FRY: variants seen among roughly 807,000 people sequenced by gnomAD.
The protein encoded by FRY is FRY microtubule binding protein, also known as protein furry homolog.
Under a neutral mutation model 348.4 loss-of-function variants are expected in FRY, and 128 were observed. That is an observed-to-expected ratio of 0.37 (90% CI 0.32 to 0.43). The LOEUF (loss-of-function observed/expected upper bound fraction) is 0.43, where lower values mean the gene tolerates loss of function less well. Ranked by LOEUF, FRY falls within the 20% of genes least tolerant of loss-of-function variation. The pLI is 1.00. For missense variants in FRY, 2,736 were observed against 3,695.2 expected (o/e 0.74, Z 6.73); for synonymous variants, 1,370 against 1,374.7 (o/e 1.00, Z 0.08).
At chr13:32,118,061 G>C (rs1878419430) in intron 4 of FRY, among the ~76,000 whole-genome samples, 1 of 152,080 alleles carries the variant, frequency 6.6e-6, no homozygotes, top group Admixed American at 6.6e-5. Context: ...CCTTCTTCCT[G>C]TGGGTTTGAA....
chr13:32,116,431 G>A (rs976664791), intron 3 of FRY, among the ~76,000 whole-genome samples: 4 of 152,022 alleles, frequency 2.6e-5, no homozygotes, highest in Non-Finnish European at 4.4e-5. Flanking sequence ...CCCTTATCAC[G>A]ATCTTAACTG....
intron 59 of FRY, among the ~76,000 whole-genome samples, chr13:32,291,100 C>A (rs1290141697): frequency 6.6e-6 from 1 of 151,782 alleles, no homozygotes; most frequent in African/African-American, 2.4e-5. Context: ...AAGCAGAAGT[C>A]GATTAAACCA....
chr13:32,069,717 A>G (rs555837402), intron 1 of FRY, among the ~76,000 whole-genome samples: 1 of 152,244 alleles, frequency 6.6e-6, no homozygotes, highest in East Asian at 1.9e-4. Context: ...TGATTCCACT[A>G]ATTTTTTTTA....
chr13:32,041,018 C>T (rs778210804), intron 1 of FRY, among the ~76,000 whole-genome samples: 9 of 152,112 alleles, frequency 5.9e-5, no homozygotes, highest in Non-Finnish European at 8.8e-5. Context: ...AATTTTAAAA[C>T]GAAAAAGTTG....
At chr13:32,200,875 G>A (rs1405367793) in intron 29 of FRY, among the ~76,000 whole-genome samples, 1 of 151,984 alleles carries the variant, frequency 6.6e-6, no homozygotes, top group African/African-American at 2.4e-5. Context: ...CCTTCCTTCT[G>A]TCTCTACTGT....
At position 32,131,684 on chromosome 13, in the gene FRY, A is replaced by T; in HGVS notation, c.729A>T (p.Val243=). The change falls in exon 8 of 61, where the codon GTA becomes GTT. Residue 243 remains valine, a synonymous_variant. Transcript: ENST00000542859. The part of the protein sequence containing the change: ...GVLAQAKFPA[V]KKKFMAELKE... ...GTTATCTTCTTAGATTCCCTGCTGT[A>T]AAGAAGAAATTTATGGCGGAGCTAA... 6.2e-7 allele frequency: 1 copy of T among 1,613,198 alleles called. No homozygotes were observed. Among genetic ancestry groups the T allele is most frequent in the Non-Finnish European group, 8.5e-7 (1 of 1,179,408 alleles).
At chr13:32,087,174 C>T (rs530415901) in intron 2 of FRY, among the ~76,000 whole-genome samples, 44 of 152,310 alleles carry the variant, frequency 2.9e-4, no homozygotes, top group Admixed American at 2.7e-3. Context: ...TTGCATCACA[C>T]ATCATGAATC....
At chr13:32,261,206 T>A (rs1887626485) in intron 51 of FRY, among the ~76,000 whole-genome samples, 2 of 152,196 alleles carry the variant, frequency 1.3e-5, no homozygotes, top group African/African-American at 2.4e-5. Flanking sequence ...CCTACTTTTT[T>A]CTCCTTCTGA....
chr13:32,151,294 G>C (rs955924959), intron 14 of FRY, among the ~76,000 whole-genome samples: 7 of 151,882 alleles, frequency 4.6e-5, no homozygotes, highest in African/African-American at 1.7e-4. Context: ...AGTTGGAACT[G>C]TGATTTAAAA....
chr13:32,161,968 G>T (rs1261629704), intron 17 of FRY, among the ~76,000 whole-genome samples: 1 of 152,108 alleles, frequency 6.6e-6, no homozygotes, highest in African/African-American at 2.4e-5. Context: ...AAAATCAAAA[G>T]TGACATAACC....
intron 29 of FRY, among the ~76,000 whole-genome samples, chr13:32,196,883 GC>G (rs1490348231): frequency 6.6e-6 from 1 of 152,076 alleles, no homozygotes; most frequent in Non-Finnish European, 1.5e-5. Context: ...TAACTATTTG[GC>G]TTCTGTGTGT....
intron 3 of FRY, among the ~76,000 whole-genome samples, chr13:32,116,399 T>G (rs1485748171): frequency 6.6e-6 from 1 of 152,186 alleles, no homozygotes; most frequent in African/African-American, 2.4e-5. Context: ...TCGCAAATAT[T>G]TTCTCCCACT....
At chr13:32,268,505 AATATAT>A (rs869298149) in intron 55 of FRY, among the ~76,000 whole-genome samples, 331 of 28,138 alleles carry the variant, frequency 0.012, 5 homozygotes, top group Admixed American at 0.019. Flanking sequence ...AAAAAAAAAA[AATATAT>A]ATATATATAT....
At chr13:32,195,325 T>C (rs1883609094) in intron 29 of FRY, among the ~76,000 whole-genome samples, 3 of 152,200 alleles carry the variant, frequency 2.0e-5, no homozygotes, top group Non-Finnish European at 4.4e-5. Flanking sequence ...TATTTCCTGT[T>C]ATAAGCATTA....
intron 17 of FRY, 124 bp from the exon 18 acceptor site, chr13:32,170,888 A>T: frequency 1.3e-6 from 1 of 779,620 alleles, no homozygotes; most frequent in Non-Finnish European, 2.2e-6. Context: ...TAAGCAAAAA[A>T]TAAGGGAGAC....
At chr13:32,201,108 C>T (rs978285986) in intron 29 of FRY, among the ~76,000 whole-genome samples, 2 of 152,200 alleles carry the variant, frequency 1.3e-5, no homozygotes, top group Non-Finnish European at 2.9e-5. Context: ...GGCCTAGCCT[C>T]GCTTCCTTCT....
At chr13:32,045,513 G>T (rs1201055436) in intron 1 of FRY, among the ~76,000 whole-genome samples, 1 of 152,200 alleles carries the variant, frequency 6.6e-6, no homozygotes, top group Non-Finnish European at 1.5e-5. Context: ...TCCATAGACA[G>T]GGATTGCATG....
At position 32,207,785 on chromosome 13, in the gene FRY, CGTGGATTATCTTG is replaced by C. The variant is rs558962659; in HGVS notation, c.4019-1065_4019-1053del. Among the ~76,000 whole-genome samples, 18 of 152,196 alleles carry C rather than the reference CGTGGATTATCTTG, an allele frequency of 1.2e-4. No individual in the cohort carries two copies. The South Asian group carries it at 1.9e-3, about 16-fold the overall frequency. ...TTAAAGCTGCTGTTTCAGAAGATCC[CGTGGATTATCTTG>C]GTATAATTCCTGGCATCTGTGTTCT... On this transcript the variant is annotated intron_variant, in intron 31 of 60. Transcript: ENST00000542859.
At chr13:32,176,926 GT>G (rs1333061490) in intron 20 of FRY, among the ~76,000 whole-genome samples, 2 of 152,312 alleles carry the variant, frequency 1.3e-5, no homozygotes, top group African/African-American at 4.8e-5. Flanking sequence ...ATTCTGGGAT[GT>G]TCAGTACTTT....
Sources: allele counts gnomAD v4.1 joint callset (sites outside exome capture counted in the v4.1 genomes callset), GRCh38; gene constraint gnomAD v4.1.1; transcripts MANE v1.5; gene names NCBI Gene and HGNC (gene_info 2026-07-23, HGNC 2026-07-21).